The following LRRC7 variants were observed in gnomAD, a reference collection of about 807,000 sequenced individuals.
LRRC7 encodes leucine rich repeat containing 7.
In LRRC7, 23 loss-of-function variants were observed where a neutral mutation model predicts 175.7. That is an observed-to-expected ratio of 0.13 (90% CI 0.09 to 0.19). The LOEUF is 0.19. Among genes scored for constraint, LRRC7 ranks in the 10% least tolerant of loss-of-function variants. The pLI is 1.00. For missense variants in LRRC7, 1,354 were observed against 1,904.7 expected, an observed-to-expected ratio of 0.71 and a Z score of 5.38; for synonymous variants, 685 against 680.9, an observed-to-expected ratio of 1.01 and a Z score of -0.09.
chr1:69,877,993 G>T (rs1016006736), intron 7 of LRRC7, among the ~76,000 whole-genome samples: 3 of 152,122 alleles, frequency 2.0e-5, no homozygotes, highest in African/African-American at 7.2e-5. Flanking sequence ...GAGGGACCAA[G>T]ATAGGACAGG....
chr1:70,056,127 T>C (rs1661131949), intron 23 of LRRC7, among the ~76,000 whole-genome samples: 1 of 152,192 alleles, frequency 6.6e-6, no homozygotes, highest in African/African-American at 2.4e-5. Context: ...AGTGGATGTT[T>C]GGATATATTT....
At chr1:70,015,593 G>A (rs988714270) in intron 13 of LRRC7, among the ~76,000 whole-genome samples, 1 of 152,110 alleles carries the variant, frequency 6.6e-6, no homozygotes, top group African/African-American at 2.4e-5. Flanking sequence ...TAGCTTTGAT[G>A]GTAACCCATG....
chr1:69,793,505 T>C (rs1675370183), intron 4 of LRRC7, among the ~76,000 whole-genome samples: 1 of 152,110 alleles, frequency 6.6e-6, no homozygotes, highest in African/African-American at 2.4e-5. Flanking sequence ...TCCACAAATA[T>C]CTGCAATGCT....
At chr1:70,030,464 A>G (rs1356592197) in intron 18 of LRRC7, among the ~76,000 whole-genome samples, 1 of 152,164 alleles carries the variant, frequency 6.6e-6, no homozygotes, top group Non-Finnish European at 1.5e-5. Context: ...TGCTTTCTGT[A>G]TTATCCTCCT....
At chr1:70,010,417 T>G (rs1571001232) in intron 11 of LRRC7, among the ~76,000 whole-genome samples, 1 of 151,980 alleles carries the variant, frequency 6.6e-6, no homozygotes, top group Non-Finnish European at 1.5e-5. Context: ...AATACAAAAA[T>G]TAGCTGGGCG....
rs1395342280 is a variant in LRRC7, at chr1:70,136,004, G to A, written c.*14117G>A. Among the ~76,000 whole-genome samples, 1 of 151,798 alleles carries A rather than the reference G, an allele frequency of 6.6e-6. No homozygotes were observed. Among genetic ancestry groups the A allele is most frequent in the African/African-American group, 2.4e-5 (1 of 41,292 alleles). On this transcript the variant is annotated 3_prime_UTR_variant, in exon 27 of 27. Transcript: ENST00000651989. The stretch of plus-strand genomic sequence containing the variant: ...GCAAACAGTTCAGGCATTTCTTTGT[G>A]GCCATTTCCCAGAGAAATTCAAACT...
At chr1:69,897,323 A>G (rs1244697242) in intron 7 of LRRC7, among the ~76,000 whole-genome samples, 1 of 152,172 alleles carries the variant, frequency 6.6e-6, no homozygotes, top group African/African-American at 2.4e-5. Flanking sequence ...GAACTTCAAT[A>G]AAATATTAGC....
chr1:69,639,055 T>C (rs1021477152), intron 1 of LRRC7, among the ~76,000 whole-genome samples: 2 of 151,782 alleles, frequency 1.3e-5, no homozygotes, highest in African/African-American at 4.8e-5. Flanking sequence ...GTTTTCTCTT[T>C]CTAAAATTTT....
chr1:69,985,196 C>A (rs1277440608), intron 9 of LRRC7, among the ~76,000 whole-genome samples: 1 of 152,094 alleles, frequency 6.6e-6, no homozygotes, highest in Non-Finnish European at 1.5e-5. Flanking sequence ...AAAACTTTGT[C>A]TTCATCATGG....
intron 1 of LRRC7, among the ~76,000 whole-genome samples, chr1:69,636,061 A>G (rs1653304154): frequency 6.6e-6 from 1 of 152,070 alleles, no homozygotes; most frequent in South Asian, 2.1e-4. Context: ...TATTCATTGA[A>G]TGATTGAATA....
intron 7 of LRRC7, among the ~76,000 whole-genome samples, chr1:69,906,256 T>G (rs573835787): frequency 1.3e-5 from 2 of 152,224 alleles, no homozygotes; most frequent in Admixed American, 6.5e-5. Flanking sequence ...AGAAGCTCTT[T>G]AGTTTAATTA....
In LRRC7 at chr1:69,952,517, G is replaced by A. The variant is rs563139614; in HGVS notation, c.711+20947G>A. Among the ~76,000 whole-genome samples the A allele has an allele frequency of 7.9e-5, 12 of 151,922 alleles. 1 individual carries two copies. The highest frequency in any genetic ancestry group is 4.2e-4 in the South Asian group (2 of 4,818). ...TAGCCCAATTAATACTACAGAAATC[G>A]GTCATTACTTAAATGTTCAAACAGT... is the stretch of plus-strand genomic sequence containing the variant. On this transcript the variant is annotated intron_variant, in intron 8 of 26. Coordinates refer to ENST00000651989, the MANE Select transcript of LRRC7 (RefSeq NM_001370785.2).
intron 2 of LRRC7, among the ~76,000 whole-genome samples, chr1:69,751,002 T>C (rs1016411795): frequency 4.6e-5 from 7 of 152,318 alleles, no homozygotes; most frequent in African/African-American, 1.7e-4. Flanking sequence ...AAGAGGAAGA[T>C]GTAACCCAGG....
intron 7 of LRRC7, among the ~76,000 whole-genome samples, chr1:69,858,296 A>G (rs1470197467): frequency 2.0e-5 from 3 of 152,194 alleles, no homozygotes; most frequent in African/African-American, 7.2e-5. Flanking sequence ...CTGCACAGCA[A>G]AAGAAACTAT....
intron 7 of LRRC7, among the ~76,000 whole-genome samples, chr1:69,908,228 A>T (rs1325211406): frequency 6.6e-6 from 1 of 152,074 alleles, no homozygotes; most frequent in Non-Finnish European, 1.5e-5. Context: ...GGATTCATTA[A>T]TTTTTTGAAG....
chr1:70,008,406 A>T (rs1656186722), intron 11 of LRRC7, among the ~76,000 whole-genome samples: 1 of 152,198 alleles, frequency 6.6e-6, no homozygotes, highest in Admixed American at 6.5e-5. Flanking sequence ...AGTATTAACC[A>T]TCACAGTGCT....
At chr1:69,575,006 A>G (rs1290541871) in intron 1 of LRRC7, among the ~76,000 whole-genome samples, 1 of 152,190 alleles carries the variant, frequency 6.6e-6, no homozygotes, top group Non-Finnish European at 1.5e-5. Flanking sequence ...CCACACACAT[A>G]CACATACAGC....
At chr1:69,742,800 G>A (rs938358390) in intron 2 of LRRC7, among the ~76,000 whole-genome samples, 1 of 151,770 alleles carries the variant, frequency 6.6e-6, no homozygotes, top group Admixed American at 6.6e-5. Flanking sequence ...TGACCTTATT[G>A]TTTATAGAGC....
At chr1:69,672,898 A>T (rs1659279397) in intron 1 of LRRC7, among the ~76,000 whole-genome samples, 1 of 152,186 alleles carries the variant, frequency 6.6e-6, no homozygotes. Context: ...GGTTCCTGTG[A>T]GTGACCTCCA....
Sources: gnomAD v4.1 joint callset for allele counts (sites outside exome capture counted in the v4.1 genomes callset) on GRCh38, gnomAD v4.1.1 for gene constraint, MANE v1.5 for transcripts, NCBI Gene and HGNC (gene_info 2026-07-23, HGNC 2026-07-21) for gene names.